PKD1L1: variants seen among roughly 807,000 people sequenced by gnomAD.
The protein encoded by PKD1L1 is polycystin-1-like protein 1.
In PKD1L1, 236 loss-of-function variants were observed where a neutral mutation model predicts 323.4. The observed-to-expected ratio is 0.73, with a 90% CI of 0.66 to 0.81. PKD1L1 has a LOEUF of 0.81. PKD1L1 is among the 40% of genes least tolerant of loss of function. PKD1L1 has a pLI of 0.00. For synonymous variants in PKD1L1, 1,344 were observed against 1,335.0 expected (o/e 1.01, Z -0.15); for missense variants, 3,320 against 3,508.0 (o/e 0.95, Z 1.35).
chr7:47,931,053 A>G (rs371915503), intron 6 of PKD1L1, 51 bp downstream of exon 6: 1 of 1,562,750 alleles, frequency 6.4e-7, no homozygotes, highest in African/African-American at 1.4e-5. Context: ...GGATGGTTCC[A>G]GACTGGGGAT....
Position 47,839,570 on chromosome 7 carries a change from A to T in PKD1L1, c.5645T>A (p.Val1882Glu). 1.9e-6 allele frequency: 3 copies of T among 1,604,924 alleles called. No homozygotes were observed. Among genetic ancestry groups the T allele is most frequent in the Non-Finnish European group, 2.6e-6 (3 of 1,176,206 alleles). Residue 1882 changes from valine to glutamate, a missense_variant, in exon 36 of 57, where the codon GTG becomes GAG. Transcript: ENST00000289672. The surrounding 1 kb of genome is among the most constrained non-coding windows in gnomAD (Gnocchi z 4.3). ...SPGWFISHVMVKELHTGQGWF... is the reference protein window; with the variant it reads ...SPGWFISHVMEKELHTGQGWF... ...GCCCTGTCCCGTGTGCAGCTCCTTC[A>T]CCATCACGTGGCTGATGAACCAGCC...
chr7:47,803,127 T>C (rs1784700584), intron 53 of PKD1L1, 83 bp downstream of exon 53: 1 of 1,550,806 alleles, frequency 6.4e-7, no homozygotes, highest in African/African-American at 1.4e-5. Flanking sequence ...GAGAGCAGTT[T>C]GTTTTTCCCT....
chr7:47,931,360 C>T (rs377220305), intron 5 of PKD1L1, 39 bp from the exon 6 acceptor site: 99 of 1,602,708 alleles, frequency 6.2e-5, no homozygotes, highest in Admixed American at 1.0e-4. Flanking sequence ...TATTGAATGG[C>T]CTCGTCTGGC....
At chr7:47,935,028 G>A (rs944970879) in intron 4 of PKD1L1, among the ~76,000 whole-genome samples, 10 of 152,196 alleles carry the variant, frequency 6.6e-5, no homozygotes, top group South Asian at 2.1e-4. Context: ...CTTGTTTCTC[G>A]TGTGTATTCA....
chr7:47,927,364 C>T (rs1159503392), intron 7 of PKD1L1, among the ~76,000 whole-genome samples: 1 of 152,076 alleles, frequency 6.6e-6, no homozygotes, highest in African/African-American at 2.4e-5. Context: ...CTGCAACCTC[C>T]ACCTCCCGGG....
intron 47 of PKD1L1, 108 bp from the exon 48 acceptor site, chr7:47,814,122 A>G: frequency 1.3e-6 from 1 of 787,756 alleles, no homozygotes; most frequent in Non-Finnish European, 2.1e-6. Flanking sequence ...ACCTGCTACC[A>G]TAGAGGTCAG....
intron 56 of PKD1L1, among the ~76,000 whole-genome samples, chr7:47,791,916 A>G (rs1330673353): frequency 1.3e-5 from 2 of 152,174 alleles, no homozygotes; most frequent in Admixed American, 1.3e-4. Flanking sequence ...TTCACTGTGT[A>G]CCTGGCACAT....
intron 27 of PKD1L1, 104 bp from the exon 28 acceptor site, chr7:47,857,936 C>T: frequency 9.0e-7 from 1 of 1,108,566 alleles, no homozygotes; most frequent in Admixed American, 2.3e-5. Flanking sequence ...AAGCCCATCT[C>T]AAGTTAGATT....
intron 7 of PKD1L1, among the ~76,000 whole-genome samples, chr7:47,926,136 T>A (rs900429656): frequency 1.3e-5 from 2 of 152,218 alleles, no homozygotes; most frequent in African/African-American, 4.8e-5. Context: ...ATTAACTGAG[T>A]CTGGCACCTT....
chr7:47,917,638 C>T (rs1404627802), intron 7 of PKD1L1, among the ~76,000 whole-genome samples: 2 of 152,202 alleles, frequency 1.3e-5, no homozygotes, highest in Non-Finnish European at 2.9e-5. Flanking sequence ...GATTTCTCAG[C>T]AGAAACCCTA....
At chr7:47,943,188 ATATATATATG>A (rs1348966511) in intron 2 of PKD1L1, among the ~76,000 whole-genome samples, 198 bp downstream of exon 2, 13 of 115,116 alleles carry the variant, frequency 1.1e-4, no homozygotes, top group South Asian at 2.8e-4. Context: ...ATATATATAT[ATATATATATG>A]TGTGTGTACC....
chr7:47,890,872 G>A (rs570558198), intron 15 of PKD1L1, 109 bp from the exon 16 acceptor site: 131 of 900,522 alleles, frequency 1.5e-4, no homozygotes, highest in Non-Finnish European at 1.8e-4. Flanking sequence ...CAGGGGACAC[G>A]TGCTGGGAAG....
At chr7:47,931,014 G>A (rs987496227) in intron 6 of PKD1L1, 90 bp downstream of exon 6, 6 of 1,288,500 alleles carry the variant, frequency 4.7e-6, no homozygotes, top group African/African-American at 4.5e-5. Context: ...AAACAACGAA[G>A]ATACTAAAAT....
chr7:47,908,237 C>T lies in PKD1L1; in HGVS notation c.1242G>A (p.Met414Ile). 1 of 1,612,194 alleles carries T rather than the reference C, an allele frequency of 6.2e-7. No homozygotes were observed. The highest frequency in any genetic ancestry group is 8.5e-7 in the Non-Finnish European group (1 of 1,179,394). The change falls in exon 9 of 57, where the codon ATG (methionine) becomes ATA (isoleucine). Residue 414 changes from methionine (M) to isoleucine (I), a missense_variant. Coordinates refer to ENST00000289672, the MANE Select transcript of PKD1L1 (RefSeq NM_138295.5). ...ACTCGTTATAAATAACAGCCTTGAG[C>T]ATATAGACTCCTTCTGGAAAAATAA... ...ISAFVTKGVY[M>I]LKAVIYNEFH... is the part of the protein sequence containing the mutation.
chr7:47,898,076 G>C lies in PKD1L1; in HGVS notation c.2183C>G (p.Ser728Cys). Residue 728 changes from serine to cysteine, a missense_variant, in exon 14 of 57, where the codon TCC becomes TGC. Transcript: ENST00000289672. Reference protein sequence around the residue: ...NLMDSEGLPVSLPAAVDTHRQ... With the variant: ...NLMDSEGLPVCLPAAVDTHRQ... Reference sequence around the variant, plus strand: ...GTGAGTGTCCACAGCAGCAGGGAGGGAGACAGGGAGCCCTTCAGAGTCCAT... The same window carrying C: ...GTGAGTGTCCACAGCAGCAGGGAGGCAGACAGGGAGCCCTTCAGAGTCCAT... The C allele has an allele frequency of 6.2e-7, 1 of 1,614,044 alleles. No individual in the cohort carries two copies. Among genetic ancestry groups the C allele is most frequent in the East Asian group, 2.2e-5 (1 of 44,886 alleles).
Position 47,865,522 on chromosome 7 carries a change from C to T in PKD1L1, c.4093-250G>A, listed in dbSNP as rs764767335. On this transcript the variant is annotated intron_variant, in intron 25 of 56. Coordinates refer to ENST00000289672, the MANE Select transcript of PKD1L1 (RefSeq NM_138295.5). The stretch of plus-strand genomic sequence containing the variant: ...AGCACACTCCATCAGGGAACTGACA[C>T]GAGGGCTGATGAAATAAGGGTGCAG... 6.4e-4 allele frequency among the ~76,000 whole-genome samples: 94 copies of T among 147,020 alleles called. 2 individuals carry two copies. Among genetic ancestry groups the T allele is most frequent in the South Asian group, 4.3e-4 (2 of 4,680 alleles).
chr7:47,813,539 A>G (rs1280394839), intron 48 of PKD1L1: 8 of 684,700 alleles, frequency 1.2e-5, no homozygotes, highest in East Asian at 2.8e-5. Context: ...GGCTTAGACC[A>G]CTTGAAGACT....
chr7:47,832,933 G>A (rs1335796669), intron 41 of PKD1L1, among the ~76,000 whole-genome samples, 157 bp downstream of exon 41: 7 of 152,246 alleles, frequency 4.6e-5, no homozygotes, highest in South Asian at 4.1e-4. Context: ...AAAGCTGGAC[G>A]CCTCAGTTTT....
At position 47,855,144 on chromosome 7, in the gene PKD1L1, G is replaced by T; in HGVS notation, c.4701+11C>A. ...AAATGAAGTAGAGATACTGAGAAAG[G>T]CTCTCCTTACCAGGCCATCCTCCTC... On this transcript the variant is annotated intron_variant, in intron 29 of 56. Coordinates refer to ENST00000289672, the MANE Select transcript of PKD1L1 (RefSeq NM_138295.5). 8 of 1,612,924 alleles carry T rather than the reference G, an allele frequency of 5.0e-6. No individual in the cohort carries two copies. The highest frequency in any genetic ancestry group is 6.8e-6 in the Non-Finnish European group (8 of 1,179,098).
Sources: gnomAD v4.1 joint callset for allele counts (sites outside exome capture counted in the v4.1 genomes callset) on GRCh38, gnomAD v4.1.1 for gene constraint, Gnocchi (gnomAD v3.1) non-coding constraint, MANE v1.5 for transcripts, NCBI Gene and HGNC (gene_info 2026-07-23, HGNC 2026-07-21) for gene names.